SLC7A9: variants seen among roughly 807,000 people sequenced by gnomAD.
SLC7A9 encodes the protein B(0,+)-type amino acid transporter 1.
Under a neutral mutation model 54.1 loss-of-function variants are expected in SLC7A9, and 38 were observed. The ratio of observed to expected loss-of-function variants is 0.70; its 90% CI spans 0.54 to 0.92. The LOEUF is 0.92. Among genes scored for constraint, SLC7A9 ranks in the 40% least tolerant of loss-of-function variants. The probability of loss-of-function intolerance (pLI) is 0.00; values close to 1 mark genes in which losing one functional copy is unlikely to be tolerated. For synonymous variants in SLC7A9, 264 were observed against 258.9 expected (o/e 1.02, Z -0.19); for missense variants, 537 against 636.1 (o/e 0.84, Z 1.68).
In SLC7A9 at chr19:32,843,839, C is replaced by T. The variant is rs116421916; in HGVS notation, c.1074+16G>A. 19 of 1,595,102 alleles carry T rather than the reference C, an allele frequency of 1.2e-5. No homozygotes were observed. Among genetic ancestry groups the T allele is most frequent in the East Asian group, 4.5e-5 (2 of 44,774 alleles). ...CCCCGCCTTGAAGATAGGCTGGTAG[C>T]GGGATTTGTACTCACATAAAAGATG... is the stretch of plus-strand genomic sequence containing the variant. On this transcript the variant is annotated intron_variant, in intron 10 of 12. Coordinates refer to ENST00000023064, the MANE Select transcript of SLC7A9 (RefSeq NM_014270.5).
chr19:32,847,467 G>A lies in SLC7A9; in HGVS notation c.978-3516C>T, dbSNP rs191997656. On this transcript the variant is annotated intron_variant, in intron 9 of 12. Coordinates refer to ENST00000023064, the MANE Select transcript of SLC7A9 (RefSeq NM_014270.5). The stretch of plus-strand genomic sequence containing the variant: ...GAAGATGAAATGAATGAAATGAAGC[G>A]AGAAGGGAAGTTTAGAGAAAAAAGA... 4.7e-3 allele frequency among the ~76,000 whole-genome samples: 688 copies of A among 144,900 alleles called. 5 individuals carry two copies. The highest frequency in any genetic ancestry group is 0.016 in the African/African-American group (644 of 41,042).
rs755106261 is a variant in SLC7A9 at position 32,862,572 on chromosome 19, C to G, written c.493G>C (p.Val165Leu). 6.2e-7 allele frequency: 1 copy of G among 1,614,050 alleles called. No homozygotes were observed. Among genetic ancestry groups the G allele is most frequent in the Admixed American group, 1.7e-5 (1 of 60,026 alleles). Residue 165 changes from valine to leucine, a missense_variant, in exon 5 of 13, where the codon GTG becomes CTG. Coordinates refer to ENST00000023064, the MANE Select transcript of SLC7A9 (RefSeq NM_014270.5). ...AAAAILFIST[V>L]NSLSVRLGSY... The stretch of plus-strand genomic sequence containing the variant: ...CCCAGCCGCACGCTCAGTGAGTTCA[C>G]TGTCGAGATGAACACTGGAAGGGTG...
At chr19:32,859,746 C>T in intron 8 of SLC7A9, 95 bp downstream of exon 8, 3 of 1,084,704 alleles carry the variant, frequency 2.8e-6, no homozygotes. Context: ...TATCGCCCTC[C>T]TTCCCTGGGA....
Position 32,868,591 on chromosome 19 carries a change from T to C in SLC7A9, c.-57A>G. ...GGAGGGCGCACAGCTAAATCTTGGT[T>C]CAGCAGCAGCAGACAAGACGCAAGT... On this transcript the variant is annotated 5_prime_UTR_variant, in exon 2 of 13. Transcript: ENST00000023064. 1 of 1,464,648 alleles carries C rather than the reference T, an allele frequency of 6.8e-7. No individual in the cohort carries two copies. The highest frequency in any genetic ancestry group is 9.6e-7 in the Non-Finnish European group (1 of 1,044,244). The allele number at this position is 1,464,648 out of a possible 1,614,324, so 90.7% of individuals were successfully genotyped here. A position where few individuals can be genotyped will look rare whatever the true frequency, so the allele number is the denominator to read the frequency against.
intron 4 of SLC7A9, among the ~76,000 whole-genome samples, chr19:32,863,807 T>C (rs1190467945): frequency 6.6e-6 from 1 of 152,140 alleles, no homozygotes; most frequent in Non-Finnish European, 1.5e-5. Flanking sequence ...CAGGGCGTGG[T>C]AAGCAGCCTC....
intron 11 of SLC7A9, among the ~76,000 whole-genome samples, chr19:32,836,233 G>A (rs2145799035): frequency 6.6e-6 from 1 of 152,036 alleles, no homozygotes; most frequent in Admixed American, 6.6e-5. Flanking sequence ...ATTTTTAGTA[G>A]AGATGGGGTT....
intron 10 of SLC7A9, among the ~76,000 whole-genome samples, chr19:32,843,206 CA>C (rs879605023): frequency 3.3e-5 from 5 of 152,058 alleles, no homozygotes; most frequent in Admixed American, 6.6e-5. Flanking sequence ...GCTTGTAATC[CA>C]GCAGTTTGGG....
intron 10 of SLC7A9, among the ~76,000 whole-genome samples, chr19:32,843,093 T>C (rs903775328): frequency 5.3e-5 from 8 of 151,998 alleles, no homozygotes; most frequent in African/African-American, 1.9e-4. Context: ...GAAATGTGGA[T>C]GGTTTATCAG....
At position 32,859,872 on chromosome 19, in the gene SLC7A9, G is replaced by A; in HGVS notation, c.842C>T (p.Thr281Ile). 2 of 1,614,148 alleles carry A rather than the reference G, an allele frequency of 1.2e-6. No homozygotes were observed. Among genetic ancestry groups the A allele is most frequent in the Non-Finnish European group, 1.7e-6 (2 of 1,179,998 alleles). Residue 281 changes from threonine (T) to isoleucine (I), a missense_variant, in exon 8 of 13, where the codon ACC becomes ATC. Thr to Ile is a moderately conservative substitution (Grantham distance 89). Coordinates refer to ENST00000023064, the MANE Select transcript of SLC7A9 (RefSeq NM_014270.5). ...NVSYFTVMTATELLQSQAVAV... is the reference protein window; with the variant it reads ...NVSYFTVMTAIELLQSQAVAV... ...CACCGCCTGGGACTGCAGGAGTTCGGTGGCAGTCATCACGGTGAAGTAGGA... is the reference window on the plus strand; with the variant it reads ...CACCGCCTGGGACTGCAGGAGTTCGATGGCAGTCATCACGGTGAAGTAGGA...
chr19:32,850,867 C>A (rs1019157049), intron 9 of SLC7A9, among the ~76,000 whole-genome samples: 6 of 152,136 alleles, frequency 3.9e-5, no homozygotes, highest in African/African-American at 1.2e-4. Flanking sequence ...AGAAATAATG[C>A]TGCATATCTA....
At chr19:32,860,015 G>A (rs746280246) in intron 7 of SLC7A9, 51 bp from the exon 8 acceptor site, 13 of 1,613,620 alleles carry the variant, frequency 8.1e-6, no homozygotes, top group South Asian at 3.3e-5. Context: ...AGCCTCCCGC[G>A]GAAGATGGAC....
At chr19:32,854,353 C>G (rs1226702106) in intron 9 of SLC7A9, among the ~76,000 whole-genome samples, 1 of 152,016 alleles carries the variant, frequency 6.6e-6, no homozygotes, top group African/African-American at 2.4e-5. Context: ...AGTCTTCCCC[C>G]AGTTGATCTA....
At chr19:32,851,996 G>A (rs897992206) in intron 9 of SLC7A9, among the ~76,000 whole-genome samples, 25 of 150,360 alleles carry the variant, frequency 1.7e-4, no homozygotes, top group African/African-American at 5.4e-4. Flanking sequence ...ACAGGAAGGG[G>A]AACATCACAC....
intron 4 of SLC7A9, among the ~76,000 whole-genome samples, chr19:32,863,277 C>G (rs1011381244): frequency 6.6e-6 from 1 of 151,684 alleles, no homozygotes; most frequent in Non-Finnish European, 1.5e-5. Flanking sequence ...CCACCACCCC[C>G]CTCCCCCGCC....
chr19:32,854,424 A>G (rs1337011833), intron 9 of SLC7A9, among the ~76,000 whole-genome samples: 1 of 152,278 alleles, frequency 6.6e-6, no homozygotes, highest in East Asian at 1.9e-4. Flanking sequence ...TGGCAAGCTG[A>G]TTGTAATATT....
At position 32,860,100 on chromosome 19, in the gene SLC7A9, A is replaced by AT. The variant is rs982166666; in HGVS notation, c.750-137dup. ...CAGCAGGAACATAAGACATTTTCAA[A>AT]TGAGAATGCTGCCTCTCTCAGACTC... On this transcript the variant is annotated intron_variant, in intron 7 of 12. Coordinates refer to ENST00000023064, the MANE Select transcript of SLC7A9 (RefSeq NM_014270.5). The AT allele has an allele frequency of 3.2e-6, 5 of 1,562,070 alleles. No individual in the cohort carries two copies. The African/African-American group carries it at 6.8e-5, about 21-fold the overall frequency.
chr19:32,833,192 G>A lies in SLC7A9; in HGVS notation c.1356C>T (p.Phe452=). 2 of 1,614,132 alleles carry A rather than the reference G, an allele frequency of 1.2e-6. No homozygotes were observed. The highest frequency in any genetic ancestry group is 1.7e-6 in the Non-Finnish European group (2 of 1,180,018). The change falls in exon 12 of 13, where the codon TTC becomes TTT. Residue 452 remains phenylalanine, a synonymous_variant. Transcript: ENST00000023064. ...LFILSGLLFY[F]LFVHYKFGWA... ...ATCCAAACTTGTAGTGGACAAACAG[G>A]AAGTAAAATAAAAGGCCGCTTAATA...
intron 12 of SLC7A9, 181 bp downstream of exon 12, chr19:32,832,968 A>G: frequency 1.5e-6 from 1 of 671,310 alleles, no homozygotes; most frequent in Non-Finnish European, 2.7e-6. Flanking sequence ...GACAGGAACA[A>G]AACAATCAAG....
intron 9 of SLC7A9, among the ~76,000 whole-genome samples, chr19:32,851,760 T>C (rs1226622243): frequency 5.9e-5 from 9 of 152,168 alleles, no homozygotes; most frequent in Non-Finnish European, 8.8e-5. Flanking sequence ...AGCAAAGACT[T>C]GGAACCAACC....
Sources: allele counts gnomAD v4.1 joint callset (sites outside exome capture counted in the v4.1 genomes callset), GRCh38; gene constraint gnomAD v4.1.1; transcripts MANE v1.5; gene names NCBI Gene and HGNC (gene_info 2026-07-23, HGNC 2026-07-21).